Variants in RBFOX1 observed in about 807,000 individuals in gnomAD.
The protein encoded by RBFOX1 is RNA binding protein fox-1 homolog 1.
In RBFOX1, 8 loss-of-function variants were observed where a neutral mutation model predicts 57.7. The ratio of observed to expected loss-of-function variants is 0.14; its 90% CI spans 0.08 to 0.25. The LOEUF is 0.25. Ranked by LOEUF, RBFOX1 falls within the 10% of genes least tolerant of loss-of-function variation. The probability of loss-of-function intolerance (pLI) is 1.00; values close to 1 mark genes in which losing one functional copy is unlikely to be tolerated. For missense variants in RBFOX1, 611 were observed against 548.5 expected (o/e 1.11, Z -1.14); for synonymous variants, 326 against 222.4 (o/e 1.47, Z -4.15).
chr16:6,201,370 G>A (rs1296991837), intron 1 of RBFOX1, among the ~76,000 whole-genome samples: 1 of 152,094 alleles, frequency 6.6e-6, no homozygotes, highest in African/African-American at 2.4e-5. Flanking sequence ...GTTTTCCGAG[G>A]AACCTCCATA....
At chr16:6,906,727 T>TA (rs1185988015) in intron 3 of RBFOX1, among the ~76,000 whole-genome samples, 1 of 149,218 alleles carries the variant, frequency 6.7e-6, no homozygotes, top group Non-Finnish European at 1.5e-5. Context: ...CAGAACTATT[T>TA]TTTTTTTTTT....
At chr16:6,463,248 T>C (rs147836843) in intron 2 of RBFOX1, among the ~76,000 whole-genome samples, 9 of 152,336 alleles carry the variant, frequency 5.9e-5, no homozygotes, top group Middle Eastern at 3.4e-3. Context: ...TCAGATGGCC[T>C]AATGACAACA....
chr16:7,677,818 G>A (rs1384047479), intron 14 of RBFOX1, among the ~76,000 whole-genome samples: 1 of 152,180 alleles, frequency 6.6e-6, no homozygotes, highest in Non-Finnish European at 1.5e-5. Context: ...TGCTGGGTCA[G>A]ACAGGTAAGC....
At chr16:5,244,830 A>G (rs1264273341) in intron 1 of RBFOX1, among the ~76,000 whole-genome samples, 3 of 152,232 alleles carry the variant, frequency 2.0e-5, no homozygotes, top group Admixed American at 6.5e-5. Context: ...CCTGTTAGCT[A>G]TGACAGAGAG....
chr16:6,805,900 C>A (rs1447053058), intron 3 of RBFOX1, among the ~76,000 whole-genome samples: 3 of 152,208 alleles, frequency 2.0e-5, no homozygotes, highest in Non-Finnish European at 4.4e-5. Flanking sequence ...TTTACTTTCC[C>A]TGTTGTATCT....
chr16:6,651,298 G>T (rs948870305), intron 2 of RBFOX1, among the ~76,000 whole-genome samples: 7 of 152,140 alleles, frequency 4.6e-5, no homozygotes, highest in African/African-American at 1.4e-4. Flanking sequence ...ACCGTGCAAC[G>T]GCCCCAGGTC....
At chr16:7,201,619 C>T (rs897827209) in intron 4 of RBFOX1, among the ~76,000 whole-genome samples, 12 of 152,054 alleles carry the variant, frequency 7.9e-5, no homozygotes, top group Admixed American at 1.3e-4. Context: ...TCCAACACCA[C>T]GCCTGGCTAA....
At chr16:6,242,728 C>T (rs1280156743) in intron 1 of RBFOX1, among the ~76,000 whole-genome samples, 4 of 150,966 alleles carry the variant, frequency 2.6e-5, no homozygotes, top group African/African-American at 9.7e-5. Context: ...CTTTTTATAG[C>T]CTGTGAAACT....
intron 9 of RBFOX1, among the ~76,000 whole-genome samples, chr16:7,598,152 C>T (rs949010587): frequency 6.6e-6 from 1 of 152,038 alleles, no homozygotes; most frequent in Admixed American, 6.6e-5. Flanking sequence ...GGGGAAGAAA[C>T]CTGCCACTGT....
chr16:7,027,025 C>G (rs2153684579), intron 3 of RBFOX1, among the ~76,000 whole-genome samples: 1 of 152,264 alleles, frequency 6.6e-6, no homozygotes, highest in South Asian at 2.1e-4. Flanking sequence ...ACAGCCCACA[C>G]ACTCCTCCAT....
intron 2 of RBFOX1, among the ~76,000 whole-genome samples, chr16:6,536,800 T>C (rs1334335570): frequency 6.6e-6 from 1 of 152,176 alleles, no homozygotes; most frequent in South Asian, 2.1e-4. Context: ...CATTGATCTG[T>C]CATGGCCAAG....
chr16:6,979,591 A>T (rs1438031043), intron 3 of RBFOX1, among the ~76,000 whole-genome samples: 1 of 152,198 alleles, frequency 6.6e-6, no homozygotes, highest in Non-Finnish European at 1.5e-5. Context: ...AGCACAGTAC[A>T]GGGGTGTGAC....
rs116811337 is a variant in RBFOX1 at position 6,164,524 on chromosome 16, T to C, written c.-127+144532T>C. ...TTTCATTGCCCAGGATGGAGTGCAG[T>C]GGTGCTATCTCGGCCCACTGCAACC... On this transcript the variant is annotated intron_variant, in intron 1 of 15. Coordinates refer to ENST00000550418, the MANE Select transcript of RBFOX1 (RefSeq NM_018723.4). Among the ~76,000 whole-genome samples the C allele has an allele frequency of 4.4e-3, 658 of 150,740 alleles. 5 individuals carry two copies. Among genetic ancestry groups the C allele is most frequent in the African/African-American group, 0.015 (604 of 41,162 alleles).
chr16:6,749,683 C>T (rs1161956295), intron 3 of RBFOX1, among the ~76,000 whole-genome samples: 1 of 152,098 alleles, frequency 6.6e-6, no homozygotes, highest in Admixed American at 6.5e-5. Context: ...ATCTTAGTGA[C>T]CTCAGTAAAT....
At chr16:6,307,875 TTTATA>T (rs1345792183) in intron 1 of RBFOX1, among the ~76,000 whole-genome samples, 2 of 143,866 alleles carry the variant, frequency 1.4e-5, no homozygotes, top group African/African-American at 5.1e-5. Context: ...TAAATGATAA[TTTATA>T]TTATTTATAT....
rs575380301 is a variant in RBFOX1 at position 6,348,191 on chromosome 16, G to A, written c.-64+31134G>A. On this transcript the variant is annotated intron_variant, in intron 2 of 15. Transcript: ENST00000550418. ...AGAGGAGATAGGCTTGTGATAAAAT[G>A]TGGGGCACATGTGGGGTCAGGCCAT... 7.2e-5 allele frequency among the ~76,000 whole-genome samples: 11 copies of A among 152,310 alleles called. No homozygotes were observed. The East Asian group carries it at 1.4e-3, about 19-fold the overall frequency.
chr16:5,675,266 T>A (rs2079740), intron 3 of RBFOX1, among the ~76,000 whole-genome samples: 30,291 of 150,822 alleles, frequency 0.2, 3,647 homozygotes, highest in East Asian at 0.33. Flanking sequence ...AGAAAGAGAG[T>A]GAAAACACAT....
At chr16:5,814,071 C>G (rs908256186) in intron 3 of RBFOX1, among the ~76,000 whole-genome samples, 8 of 152,172 alleles carry the variant, frequency 5.3e-5, no homozygotes, top group African/African-American at 1.9e-4. Context: ...ATGTCAGTGA[C>G]TAACCTTCCA....
intron 6 of RBFOX1, among the ~76,000 whole-genome samples, chr16:7,582,524 G>A (rs576843195): frequency 4.6e-5 from 7 of 152,020 alleles, no homozygotes; most frequent in Non-Finnish European, 8.8e-5. Context: ...TCATGGAGCC[G>A]TTCTTGTTAT....
Sources: gnomAD v4.1 joint callset for allele counts (sites outside exome capture counted in the v4.1 genomes callset) on GRCh38, gnomAD v4.1.1 for gene constraint, MANE v1.5 for transcripts, NCBI Gene and HGNC (gene_info 2026-07-23, HGNC 2026-07-21) for gene names.